The following SLC9A9 variants were observed in gnomAD, a reference collection of about 807,000 sequenced individuals.
SLC9A9 encodes solute carrier family 9 member A9.
In SLC9A9, 62 loss-of-function variants were observed where a neutral mutation model predicts 77.8. The ratio of observed to expected loss-of-function variants is 0.80; its 90% confidence interval spans 0.65 to 0.98. SLC9A9 has a LOEUF of 0.98. SLC9A9 is among the 50% of genes least tolerant of loss of function. The pLI, the probability that SLC9A9 is intolerant of heterozygous loss-of-function variation, is 0.00. For synonymous variants in SLC9A9, 320 were observed against 283.5 expected, an observed-to-expected ratio of 1.13 and a Z score of -1.29; for missense variants, 775 against 774.9, an observed-to-expected ratio of 1.00 and a Z score of 0.00.
chr3:143,663,541 C>T (rs2039014412), intron 5 of SLC9A9, among the ~76,000 whole-genome samples: 1 of 152,100 alleles, frequency 6.6e-6, no homozygotes, highest in Non-Finnish European at 1.5e-5. Flanking sequence ...GACGTTTGAA[C>T]CCATCACGAA....
chr3:143,744,996 G>T (rs17651169), intron 4 of SLC9A9, among the ~76,000 whole-genome samples: 3 of 152,130 alleles, frequency 2.0e-5, no homozygotes, highest in South Asian at 2.1e-4. Context: ...CAATTAACGC[G>T]CATTTGTTCA....
At chr3:143,761,040 G>T (rs796530429) in intron 4 of SLC9A9, among the ~76,000 whole-genome samples, 1 of 152,016 alleles carries the variant, frequency 6.6e-6, no homozygotes, top group African/African-American at 2.4e-5. Flanking sequence ...TAATACCACA[G>T]ATCTACAACC....
chr3:143,471,672 T>C (rs1010475565), intron 11 of SLC9A9, among the ~76,000 whole-genome samples: 1 of 152,204 alleles, frequency 6.6e-6, no homozygotes, highest in Non-Finnish European at 1.5e-5. Context: ...CTTTTTGTTT[T>C]GGCCAACTAA....
chr3:143,666,359 C>T lies in SLC9A9; in HGVS notation c.650-13999G>A, dbSNP rs920631823. Reference sequence around the variant, plus strand: ...TCAAAATAATAAGAGCTATGTATGACAAACCCACAGCCAATATCATACTGA... The same window carrying T: ...TCAAAATAATAAGAGCTATGTATGATAAACCCACAGCCAATATCATACTGA... On this transcript the variant is annotated intron_variant, in intron 5 of 15. Coordinates refer to ENST00000316549, the MANE Select transcript of SLC9A9 (RefSeq NM_173653.4). Among the ~76,000 whole-genome samples the T allele has an allele frequency of 5.3e-5, 8 of 152,152 alleles. 1 individual carries two copies. The highest frequency in any genetic ancestry group is 2.0e-4 in the Admixed American group (3 of 15,278).
At position 143,631,047 on chromosome 3, in the gene SLC9A9, T is replaced by A. The variant is rs1351161197; in HGVS notation, c.755+21208A>T. 2.0e-5 allele frequency among the ~76,000 whole-genome samples: 3 copies of A among 152,154 alleles called. No homozygotes were observed. The East Asian group carries it at 5.8e-4, about 29-fold the overall frequency. Reference sequence around the variant, plus strand: ...TGATTTCAGTCACTGATAAAAATATTAAACAGGATAAGTCCTTAAATAGAG... The same window carrying A: ...TGATTTCAGTCACTGATAAAAATATAAAACAGGATAAGTCCTTAAATAGAG... On this transcript the variant is annotated intron_variant, in intron 6 of 15. Transcript: ENST00000316549.
intron 12 of SLC9A9, among the ~76,000 whole-genome samples, chr3:143,463,643 C>A (rs1354988963): frequency 6.6e-6 from 1 of 152,176 alleles, no homozygotes; most frequent in East Asian, 1.9e-4. Context: ...CTTTATTTTA[C>A]ATGAAAACCT....
chr3:143,573,498 C>T (rs2037303457), intron 8 of SLC9A9, among the ~76,000 whole-genome samples: 1 of 152,074 alleles, frequency 6.6e-6, no homozygotes, highest in Non-Finnish European at 1.5e-5. Flanking sequence ...GATCTGCAGC[C>T]CTTGGGTCTA....
intron 12 of SLC9A9, among the ~76,000 whole-genome samples, chr3:143,387,612 G>A (rs919781646): frequency 6.6e-6 from 1 of 151,986 alleles, no homozygotes; most frequent in Non-Finnish European, 1.5e-5. Flanking sequence ...CTGTGCCCTC[G>A]TACATCTCAC....
At chr3:143,846,698 T>TA (rs1407749934) in intron 1 of SLC9A9, among the ~76,000 whole-genome samples, 1 of 150,348 alleles carries the variant, frequency 6.7e-6, no homozygotes, top group Admixed American at 6.7e-5. Flanking sequence ...CACTAAATTT[T>TA]AAAAAATAAA....
chr3:143,784,363 C>G (rs1560077585), intron 4 of SLC9A9, among the ~76,000 whole-genome samples: 1 of 152,076 alleles, frequency 6.6e-6, no homozygotes, highest in African/African-American at 2.4e-5. Flanking sequence ...GGGAGGCATT[C>G]ACTATAAACT....
intron 2 of SLC9A9, among the ~76,000 whole-genome samples, chr3:143,805,311 G>A (rs959336671): frequency 4.0e-5 from 6 of 151,712 alleles, no homozygotes; most frequent in African/African-American, 4.8e-5. Flanking sequence ...CCTTCAACTT[G>A]ACCTCTTTCA....
intron 12 of SLC9A9, among the ~76,000 whole-genome samples, chr3:143,422,656 C>G (rs1325142349): frequency 1.3e-5 from 2 of 152,172 alleles, no homozygotes; most frequent in Non-Finnish European, 2.9e-5. Context: ...ATGCTCATAA[C>G]TTGGATGATG....
intron 12 of SLC9A9, 49 bp from the exon 13 acceptor site, chr3:143,382,163 G>C (rs1222175409): frequency 1.2e-6 from 2 of 1,600,650 alleles, no homozygotes; most frequent in Non-Finnish European, 1.7e-6. Context: ...CAGAAGGAAT[G>C]AGACAGTCTT....
chr3:143,353,478 A>G (rs886417341), intron 14 of SLC9A9, among the ~76,000 whole-genome samples: 2 of 152,222 alleles, frequency 1.3e-5, no homozygotes, highest in Admixed American at 6.5e-5. Flanking sequence ...GTGATCAGGA[A>G]ACGGGTCCTC....
At chr3:143,271,341 T>TA (rs952864817) in intron 14 of SLC9A9, among the ~76,000 whole-genome samples, 5 of 152,212 alleles carry the variant, frequency 3.3e-5, no homozygotes, top group African/African-American at 1.2e-4. Flanking sequence ...GACCCAGGCA[T>TA]AAATGCCAGC....
intron 1 of SLC9A9, among the ~76,000 whole-genome samples, chr3:143,836,684 C>A (rs137939099): frequency 6.6e-6 from 1 of 152,168 alleles, no homozygotes; most frequent in South Asian, 2.1e-4. Context: ...ATGAGCCTTA[C>A]CTTCCTGAAC....
At chr3:143,804,649 C>G (rs1383984276) in intron 2 of SLC9A9, among the ~76,000 whole-genome samples, 2 of 152,178 alleles carry the variant, frequency 1.3e-5, no homozygotes, top group African/African-American at 4.8e-5. Flanking sequence ...ACTAGTTTTC[C>G]TTACTCCCAA....
At chr3:143,343,080 A>G (rs1385392097) in intron 14 of SLC9A9, among the ~76,000 whole-genome samples, 1 of 152,110 alleles carries the variant, frequency 6.6e-6, no homozygotes, top group Non-Finnish European at 1.5e-5. Context: ...GTGTTTGTTT[A>G]TTTCTTTATT....
chr3:143,537,145 C>A (rs2036603030), intron 9 of SLC9A9, among the ~76,000 whole-genome samples: 1 of 152,222 alleles, frequency 6.6e-6, no homozygotes, highest in East Asian at 1.9e-4. Flanking sequence ...TGTCCAGCAT[C>A]TGGTGTCTTT....
Sources: gnomAD v4.1 joint callset for allele counts (sites outside exome capture counted in the v4.1 genomes callset) on GRCh38, gnomAD v4.1.1 for gene constraint, MANE v1.5 for transcripts, NCBI Gene and HGNC (gene_info 2026-07-23, HGNC 2026-07-21) for gene names.